DPEP1: variants seen among roughly 807,000 people sequenced by gnomAD.
The protein encoded by DPEP1 is dipeptidase 1.
In DPEP1, 50 loss-of-function variants were observed where a neutral mutation model predicts 42.3. That is an observed-to-expected ratio of 1.18 (90% CI 0.94 to 1.50). The LOEUF is 1.50. DPEP1 is among the 40% of genes most tolerant of loss of function. The probability of loss-of-function intolerance (pLI) is 0.00; values close to 1 mark genes in which losing one functional copy is unlikely to be tolerated. For missense variants in DPEP1, 663 were observed against 553.0 expected, an observed-to-expected ratio of 1.20 and a Z score of -1.99; for synonymous variants, 297 against 234.0, an observed-to-expected ratio of 1.27 and a Z score of -2.46.
At chr16:89,631,373 A>C (rs1366633495) in intron 2 of DPEP1, among the ~76,000 whole-genome samples, 1 of 152,012 alleles carries the variant, frequency 6.6e-6, no homozygotes. Context: ...CTGGGTCACC[A>C]TGGAGGCCTC....
At chr16:89,634,114 AGTCTCGCTCT>A (rs2059628204) in intron 2 of DPEP1, among the ~76,000 whole-genome samples, 1 of 57,170 alleles carries the variant, frequency 1.7e-5, no homozygotes, top group Admixed American at 2.9e-4. Context: ...TTTTGGAGGG[AGTCTCGCTCT>A]GTCGCCCAGG....
chr16:89,632,316 G>T (rs2059598851), intron 2 of DPEP1, among the ~76,000 whole-genome samples: 1 of 152,142 alleles, frequency 6.6e-6, no homozygotes. Flanking sequence ...GCCTCCCACA[G>T]TGCTGGGATT....
intron 1 of DPEP1, among the ~76,000 whole-genome samples, chr16:89,625,893 G>A (rs1186665324): frequency 6.6e-6 from 1 of 152,168 alleles, no homozygotes; most frequent in African/African-American, 2.4e-5. Flanking sequence ...CTTGAACAGT[G>A]GTCGTGAGAG....
At chr16:89,640,898 G>A (rs2059738208), downstream of DPEP1, among the ~76,000 whole-genome samples, 1 of 152,154 alleles carries the variant, frequency 6.6e-6, no homozygotes, top group South Asian at 2.1e-4. Flanking sequence ...ATGCCTGGCT[G>A]CACTGTTATT....
chr16:89,637,166 TG>T (rs762225745), intron 6 of DPEP1, 37 bp from the exon 7 acceptor site: 2 of 1,600,340 alleles, frequency 1.2e-6, no homozygotes, highest in South Asian at 2.2e-5. Flanking sequence ...GCCCCGACCC[TG>T]GGGGCTGTGA....
intron 1 of DPEP1, among the ~76,000 whole-genome samples, chr16:89,614,703 G>A (rs1343753147): frequency 1.3e-5 from 2 of 152,246 alleles, no homozygotes; most frequent in Admixed American, 1.3e-4. Context: ...GCTGAAGCAG[G>A]AGAATGGCGT....
Position 89,630,386 on chromosome 16 carries a change from C to T in DPEP1, c.-25C>T, listed in dbSNP as rs760189257. ...GCACAGAGGCACCAGGGCAGCAGTG[C>T]ACACAGGTCCCCGGGGACCCCACCA... is the stretch of plus-strand genomic sequence containing the variant. On this transcript the variant is annotated 5_prime_UTR_variant, in exon 2 of 11. Coordinates refer to ENST00000690203, the MANE Select transcript of DPEP1 (RefSeq NM_001389466.1). 47 of 1,597,550 alleles carry T rather than the reference C, an allele frequency of 2.9e-5. No homozygotes were observed. The highest frequency in any genetic ancestry group is 5.0e-5 in the Admixed American group (3 of 59,554).
chr16:89,638,684 C>CG (rs2059715347), downstream of DPEP1, among the ~76,000 whole-genome samples: 2 of 132,562 alleles, frequency 1.5e-5, no homozygotes, highest in African/African-American at 2.7e-5. Flanking sequence ...CACACACACC[C>CG]CACCCCTGCA....
chr16:89,640,625 C>T (rs2059736256), downstream of DPEP1: 1 of 985,106 alleles, frequency 1.0e-6, no homozygotes, highest in Non-Finnish European at 1.2e-6. Flanking sequence ...ATCCACTTAT[C>T]AATAATCATC....
intron 1 of DPEP1, among the ~76,000 whole-genome samples, chr16:89,618,845 T>C (rs2059407914): frequency 4.6e-5 from 7 of 151,956 alleles, no homozygotes. Context: ...ACAAAACTGG[T>C]TTTATTTTGC....
chr16:89,638,650 G>GCACA (rs2059714759), downstream of DPEP1, among the ~76,000 whole-genome samples: 1 of 148,664 alleles, frequency 6.7e-6, no homozygotes. Context: ...ATGCACCGGT[G>GCACA]CACACACCCC....
chr16:89,622,640 C>T (rs987004250), intron 1 of DPEP1, among the ~76,000 whole-genome samples: 10 of 152,052 alleles, frequency 6.6e-5, no homozygotes, highest in Middle Eastern at 3.4e-3. Context: ...AAAAATTAGT[C>T]GGGCGTGGTG....
chr16:89,633,895 T>G (rs938760028), intron 2 of DPEP1, among the ~76,000 whole-genome samples: 26 of 151,690 alleles, frequency 1.7e-4, no homozygotes, highest in African/African-American at 6.0e-4. Flanking sequence ...CAGCCCACAT[T>G]ACAGGAAGGA....
intron 6 of DPEP1, 117 bp downstream of exon 6, chr16:89,637,052 C>G: frequency 6.5e-7 from 1 of 1,526,880 alleles, no homozygotes; most frequent in Non-Finnish European, 8.8e-7. Context: ...TAAAATGGAG[C>G]TGGCAGCCAT....
At chr16:89,616,207 A>T (rs953714138) in intron 1 of DPEP1, among the ~76,000 whole-genome samples, 4 of 152,144 alleles carry the variant, frequency 2.6e-5, no homozygotes, top group Admixed American at 2.0e-4. Flanking sequence ...TGCTGTGGGG[A>T]TAGGGCTCAG....
chr16:89,625,425 C>T (rs1328310883), intron 1 of DPEP1, among the ~76,000 whole-genome samples: 7 of 152,192 alleles, frequency 4.6e-5, no homozygotes, highest in African/African-American at 9.7e-5. Flanking sequence ...ATGAGGGGCC[C>T]GTCCCCATGA....
At chr16:89,641,223 G>T (rs1005227543), downstream of DPEP1, among the ~76,000 whole-genome samples, 7 of 152,200 alleles carry the variant, frequency 4.6e-5, no homozygotes, top group African/African-American at 1.4e-4. Context: ...AGGGCTGCGG[G>T]GGGGGGTTGA....
chr16:89,633,308 C>A (rs1180031803), intron 2 of DPEP1, among the ~76,000 whole-genome samples: 1 of 152,260 alleles, frequency 6.6e-6, no homozygotes, highest in Non-Finnish European at 1.5e-5. Context: ...GACAACCTCG[C>A]TGACGCAGGA....
chr16:89,618,458 T>A (rs2151477414), intron 1 of DPEP1, among the ~76,000 whole-genome samples: 2 of 152,268 alleles, frequency 1.3e-5, no homozygotes, highest in Admixed American at 1.3e-4. Context: ...CCTCAAGCGA[T>A]CCTCCCGCCT....
Sources: allele counts gnomAD v4.1 joint callset (sites outside exome capture counted in the v4.1 genomes callset), GRCh38; gene constraint gnomAD v4.1.1; transcripts MANE v1.5; gene names NCBI Gene and HGNC (gene_info 2026-07-23, HGNC 2026-07-21).